The following ELOVL6 variants were observed in gnomAD, a reference collection of about 807,000 sequenced individuals.
ELOVL6 encodes ELOVL fatty acid elongase 6.
ELOVL6 carries 8 observed loss-of-function variants against 31.7 expected under a neutral mutation model. The observed-to-expected ratio is 0.25, with a 90% CI of 0.15 to 0.45. The LOEUF (loss-of-function observed/expected upper bound fraction) is 0.45, where lower values mean the gene tolerates loss of function less well. Ranked by LOEUF, ELOVL6 falls within the 20% of genes least tolerant of loss-of-function variation. The pLI is 1.00. For synonymous variants in ELOVL6, 101 were observed against 117.7 expected (o/e 0.86, Z 0.92); for missense variants, 126 against 326.4 (o/e 0.39, Z 4.73).
intron 2 of ELOVL6, among the ~76,000 whole-genome samples, chr4:110,085,312 C>G (rs1359225505): frequency 6.6e-6 from 1 of 152,146 alleles, no homozygotes; most frequent in South Asian, 2.1e-4. Flanking sequence ...AAACAGGAAG[C>G]CAACTGAGAT....
chr4:110,141,061 TG>T (rs1757938800), intron 1 of ELOVL6, among the ~76,000 whole-genome samples: 1 of 151,406 alleles, frequency 6.6e-6, no homozygotes, highest in African/African-American at 2.5e-5. Context: ...AGTATTGAAT[TG>T]GTTTTTTTTG....
chr4:110,117,903 A>AAATATAT lies in ELOVL6; in HGVS notation c.90-12276_90-12275insATATATT. 8 of 6,498 alleles carry AAATATAT rather than the reference A, an allele frequency of 1.2e-3. 2 individuals are homozygous for AAATATAT. The highest frequency in any genetic ancestry group is 1.3e-3 in the African/African-American group (4 of 3,058). The allele number at this position is 6,498 out of a possible 1,614,324, so 0.4% of individuals were successfully genotyped here. The stretch of plus-strand genomic sequence containing the variant: ...TCTCAAAAAAAAAAAAAAAAAAAAA[A>AAATATAT]ATATATATATATATATATATATCTC... On this transcript the variant is annotated intron_variant, in intron 1 of 3. Coordinates refer to ENST00000302274, the MANE Select transcript of ELOVL6 (RefSeq NM_024090.3).
intron 1 of ELOVL6, among the ~76,000 whole-genome samples, chr4:110,187,834 C>T (rs79989289): frequency 0.016 from 2,411 of 152,200 alleles, 65 homozygotes; most frequent in African/African-American, 0.055. Flanking sequence ...GGAAACAAGG[C>T]TGAAGGAAAT....
intron 2 of ELOVL6, among the ~76,000 whole-genome samples, chr4:110,075,387 A>C (rs1025437527): frequency 2.6e-5 from 4 of 152,202 alleles, no homozygotes; most frequent in African/African-American, 9.6e-5. Flanking sequence ...CAATGGATGA[A>C]TGGATAAAAA....
intron 1 of ELOVL6, among the ~76,000 whole-genome samples, chr4:110,192,391 T>C (rs1427889702): frequency 6.6e-6 from 1 of 151,998 alleles, no homozygotes; most frequent in African/African-American, 2.4e-5. Context: ...AAAACAACAG[T>C]GAAATACTAT....
At chr4:110,156,800 A>G (rs1220386927) in intron 1 of ELOVL6, among the ~76,000 whole-genome samples, 2 of 152,270 alleles carry the variant, frequency 1.3e-5, no homozygotes, top group African/African-American at 4.8e-5. Flanking sequence ...ATACTACCTT[A>G]GTAAGTAAAA....
intron 1 of ELOVL6, among the ~76,000 whole-genome samples, chr4:110,113,746 A>G (rs1455525136): frequency 1.3e-5 from 2 of 152,212 alleles, no homozygotes; most frequent in Non-Finnish European, 2.9e-5. Flanking sequence ...GTAACGATCT[A>G]GTGATAGTAA....
At chr4:110,072,683 G>C (rs1755525879) in intron 2 of ELOVL6, among the ~76,000 whole-genome samples, 1 of 152,022 alleles carries the variant, frequency 6.6e-6, no homozygotes, top group Non-Finnish European at 1.5e-5. Flanking sequence ...AAAACCCTGG[G>C]AGCACTTTTA....
At chr4:110,197,525 T>C (rs2126284698) in intron 1 of ELOVL6, among the ~76,000 whole-genome samples, 1 of 152,244 alleles carries the variant, frequency 6.6e-6, no homozygotes, top group East Asian at 1.9e-4. Context: ...CAAAAGGCGT[T>C]TCCGTAAAAC....
chr4:110,198,440 C>T lies in ELOVL6; in HGVS notation c.-105G>A. On this transcript the variant is annotated 5_prime_UTR_variant, in exon 1 of 4. Coordinates refer to ENST00000302274, the MANE Select transcript of ELOVL6 (RefSeq NM_024090.3). ...CCTGTCTGCTTCCCCCACCCACCCC[C>T]CTAGGTCTTCCCCACGCCGCTCGGT... 1 of 697,592 alleles carries T rather than the reference C, an allele frequency of 1.4e-6. No homozygotes were observed. The highest frequency in any genetic ancestry group is 2.5e-6 in the Non-Finnish European group (1 of 398,314). 43.2% of individuals were successfully genotyped at this position (697,592 alleles called of 1,614,324 possible). A position where few individuals can be genotyped will look rare whatever the true frequency, so the allele number is the denominator to read the frequency against.
intron 2 of ELOVL6, among the ~76,000 whole-genome samples, chr4:110,063,235 T>C (rs893865261): frequency 6.6e-6 from 1 of 152,208 alleles, no homozygotes; most frequent in Non-Finnish European, 1.5e-5. Context: ...TTTATTTATA[T>C]AGATATTTTT....
intron 2 of ELOVL6, among the ~76,000 whole-genome samples, chr4:110,075,152 C>A (rs905437388): frequency 6.6e-6 from 1 of 152,010 alleles, no homozygotes; most frequent in East Asian, 1.9e-4. Flanking sequence ...AAAATTGGAA[C>A]CCATGTGCAC....
At chr4:110,137,022 A>G (rs1757831495) in intron 1 of ELOVL6, among the ~76,000 whole-genome samples, 1 of 152,198 alleles carries the variant, frequency 6.6e-6, no homozygotes, top group Non-Finnish European at 1.5e-5. Flanking sequence ...TACCAAACAT[A>G]TATCAAAGCT....
chr4:110,108,386 G>T (rs534203611), intron 1 of ELOVL6, among the ~76,000 whole-genome samples: 1 of 152,094 alleles, frequency 6.6e-6, no homozygotes, highest in Admixed American at 6.5e-5. Context: ...ACCAAGAAAA[G>T]AACAAAAAAT....
At chr4:110,101,337 G>A (rs2126244496) in intron 2 of ELOVL6, among the ~76,000 whole-genome samples, 1 of 151,998 alleles carries the variant, frequency 6.6e-6, no homozygotes, top group African/African-American at 2.4e-5. Context: ...ACCACGCCTG[G>A]CCAGAAGAGC....
chr4:110,093,764 G>A (rs948642013), intron 2 of ELOVL6, among the ~76,000 whole-genome samples: 2 of 152,114 alleles, frequency 1.3e-5, no homozygotes, highest in Non-Finnish European at 2.9e-5. Flanking sequence ...GCAGTGGGAC[G>A]AGACAGATAA....
intron 2 of ELOVL6, among the ~76,000 whole-genome samples, chr4:110,079,479 C>G (rs1419418888): frequency 3.9e-5 from 6 of 152,038 alleles, no homozygotes; most frequent in African/African-American, 7.3e-5. Context: ...ACAACCTGCT[C>G]CTGAATGACT....
chr4:110,159,433 A>T (rs1340185924), intron 1 of ELOVL6, among the ~76,000 whole-genome samples: 1 of 152,158 alleles, frequency 6.6e-6, no homozygotes, highest in African/African-American at 2.4e-5. Context: ...GTATGGTTTT[A>T]ATTTTTTACT....
intron 2 of ELOVL6, among the ~76,000 whole-genome samples, chr4:110,086,109 G>A (rs1244861487): frequency 6.6e-6 from 1 of 152,166 alleles, no homozygotes; most frequent in Non-Finnish European, 1.5e-5. Context: ...TCCCTCAGAT[G>A]CTCATAAAAT....
Sources: allele counts gnomAD v4.1 joint callset (sites outside exome capture counted in the v4.1 genomes callset), GRCh38; gene constraint gnomAD v4.1.1; transcripts MANE v1.5; gene names NCBI Gene and HGNC (gene_info 2026-07-23, HGNC 2026-07-21).